The following AKNAD1 variants were observed in gnomAD, a reference collection of about 807,000 sequenced individuals.
AKNAD1 encodes AKNA domain containing 1, also known as protein AKNAD1.
A neutral mutation model predicts 90.8 loss-of-function variants in AKNAD1; 67 were observed. The ratio of observed to expected loss-of-function variants is 0.74; its 90% confidence interval spans 0.61 to 0.90. The LOEUF (loss-of-function observed/expected upper bound fraction) is 0.90, where lower values mean the gene tolerates loss of function less well. Among genes scored for constraint, AKNAD1 ranks in the 40% least tolerant of loss-of-function variants. AKNAD1 has a pLI of 0.00. For missense variants in AKNAD1, 957 were observed against 975.4 expected (o/e 0.98, Z 0.25); for synonymous variants, 327 against 341.4 (o/e 0.96, Z 0.46).
rs1024755652 is a variant in AKNAD1, at chr1:108,828,233, G to A, written c.1839-931C>T. Among the ~76,000 whole-genome samples, 20 of 151,704 alleles carry A rather than the reference G, an allele frequency of 1.3e-4. 2 individuals are homozygous for A. Among genetic ancestry groups the A allele is most frequent in the Non-Finnish European group, 2.9e-5 (2 of 67,990 alleles). ...AACTCCAGCAAAGTGGGCTTTGCCG[G>A]GTGTCTGTGGGACTAAAGGCTGAGG... On this transcript the variant is annotated intron_variant, in intron 10 of 15. Transcript: ENST00000370001.
In AKNAD1 at chr1:108,852,721, G is replaced by T. The variant is rs769521069; in HGVS notation, c.-57C>A. 6.7e-7 allele frequency: 1 copy of T among 1,494,480 alleles called. No individual in the cohort carries two copies. Among genetic ancestry groups the T allele is most frequent in the Non-Finnish European group, 8.9e-7 (1 of 1,120,238 alleles). The allele number at this position is 1,494,480 out of a possible 1,614,324, so 92.6% of individuals were successfully genotyped here. A position where few individuals can be genotyped will look rare whatever the true frequency, so the allele number is the denominator to read the frequency against. ...CCTCCTGAGCTGGCTGCTGTCAGTT[G>T]TAACAATAGCTCTGGTTCTCACTGA... On this transcript the variant is annotated 5_prime_UTR_variant, in exon 2 of 16. Coordinates refer to ENST00000370001, the MANE Select transcript of AKNAD1 (RefSeq NM_152763.5).
chr1:108,825,733 C>T (rs1449520003), intron 11 of AKNAD1, among the ~76,000 whole-genome samples: 1 of 145,308 alleles, frequency 6.9e-6, no homozygotes, highest in Non-Finnish European at 1.5e-5. Flanking sequence ...TTTCCCAAAA[C>T]TAAATGAGCA....
chr1:108,843,773 G>A (rs1337652751), intron 5 of AKNAD1, among the ~76,000 whole-genome samples: 1 of 152,164 alleles, frequency 6.6e-6, no homozygotes, highest in Non-Finnish European at 1.5e-5. Flanking sequence ...CAGTCTGTGG[G>A]GAGTTGGAGG....
intron 14 of AKNAD1, among the ~76,000 whole-genome samples, chr1:108,817,635 G>A (rs1663660472): frequency 6.6e-6 from 1 of 150,412 alleles, no homozygotes; most frequent in Non-Finnish European, 1.5e-5. Flanking sequence ...CCGAGTAGCT[G>A]GGACTACAGG....
chr1:108,843,252 G>C lies in AKNAD1; in HGVS notation c.1261C>G (p.Gln421Glu). The stretch of plus-strand genomic sequence containing the variant: ...TGCTCCAGCAGTTCAAGGTGTCCCT[G>C]CAGTTTCTCCAGGACCTGCAGCGGT... ...QDKKLVLEKL[Q>E]GHLELLEQNF... The change falls in exon 6 of 16, where the codon CAG becomes GAG. Residue 421 changes from glutamine to glutamate, a missense_variant. By Grantham distance (29) the Gln-to-Glu change is conservative. Transcript: ENST00000370001. The C allele has an allele frequency of 6.2e-7, 1 of 1,613,896 alleles. No homozygotes were observed. Among genetic ancestry groups the C allele is most frequent in the South Asian group, 1.1e-5 (1 of 91,048 alleles).
chr1:108,852,287 T>C lies in AKNAD1; in HGVS notation c.378A>G (p.Gln126=), dbSNP rs1664891361. Residue 126 remains glutamine (Q), a synonymous_variant, in exon 2 of 16, where the codon CAA becomes CAG. Coordinates refer to ENST00000370001, the MANE Select transcript of AKNAD1 (RefSeq NM_152763.5). The stretch of plus-strand genomic sequence containing the variant: ...CTGGGAGGGTTTCACAATCAATGCC[T>C]TGACCTCTTAAGAATGGCTCTTTGG... The part of the protein sequence containing the change: ...HLSKEPFLRG[Q]GIDCETLPEI... 6.2e-7 allele frequency: 1 copy of C among 1,614,076 alleles called. No individual in the cohort carries two copies. Among genetic ancestry groups the C allele is most frequent in the African/African-American group, 1.3e-5 (1 of 74,932 alleles).
intron 6 of AKNAD1, among the ~76,000 whole-genome samples, chr1:108,842,841 A>C (rs12075148): frequency 0.14 from 20,797 of 152,156 alleles, 1,572 homozygotes; most frequent in African/African-American, 0.19. Context: ...TCTCCAAACC[A>C]ATTATAATGA....
chr1:108,828,488 T>C (rs1664083925), intron 10 of AKNAD1, among the ~76,000 whole-genome samples: 1 of 151,728 alleles, frequency 6.6e-6, no homozygotes. Context: ...TGTTCATTCT[T>C]AGTATGGAAG....
intron 1 of AKNAD1, among the ~76,000 whole-genome samples, chr1:108,856,427 C>T (rs1414713836): frequency 1.3e-5 from 2 of 152,002 alleles, no homozygotes; most frequent in South Asian, 2.1e-4. Flanking sequence ...AGTCCAGGCA[C>T]AGTGGCTCAT....
intron 10 of AKNAD1, among the ~76,000 whole-genome samples, chr1:108,828,922 A>G (rs572407619): frequency 1.1e-4 from 16 of 152,002 alleles, no homozygotes; most frequent in Admixed American, 4.0e-4. Flanking sequence ...CAAAGCAGCT[A>G]AAGTACACAC....
At chr1:108,827,671 G>A (rs1490868461) in intron 10 of AKNAD1, among the ~76,000 whole-genome samples, 3 of 150,846 alleles carry the variant, frequency 2.0e-5, no homozygotes, top group African/African-American at 4.9e-5. Context: ...AAAATTAGCT[G>A]GGCGCCGTAG....
chr1:108,816,066 G>T lies in AKNAD1; in HGVS notation c.*105C>A. ...TCTTATGGTTTCTGTGTTTTCTCTA[G>T]AAAGTCATCTTCCTAAATTGTGTAG... On this transcript the variant is annotated 3_prime_UTR_variant, in exon 16 of 16. Transcript: ENST00000370001. 1 of 1,232,356 alleles carries T rather than the reference G, an allele frequency of 8.1e-7. No individual in the cohort carries two copies. Among genetic ancestry groups the T allele is most frequent in the Non-Finnish European group, 1.1e-6 (1 of 932,580 alleles). The allele number at this position is 1,232,356 out of a possible 1,614,324, so 76.3% of individuals were successfully genotyped here.
chr1:108,835,207 G>A, intron 7 of AKNAD1, 151 bp from the exon 8 acceptor site: 1 of 817,536 alleles, frequency 1.2e-6, no homozygotes, highest in Non-Finnish European at 1.8e-6. Flanking sequence ...TCTTTACCTA[G>A]CTGTCTTCTC....
Position 108,852,575 on chromosome 1 carries a change from A to C in AKNAD1, c.90T>G (p.Asn30Lys), listed in dbSNP as rs1488177327. The C allele has an allele frequency of 6.2e-7, 1 of 1,613,740 alleles. No individual in the cohort carries two copies. Among genetic ancestry groups the C allele is most frequent in the African/African-American group, 1.3e-5 (1 of 75,042 alleles). Reference sequence around the variant, plus strand: ...CCTTTTTTGAGGTAAAACTGTAATCATTGCCTATCTTAATCTGAGAGAGGT... The same window carrying C: ...CCTTTTTTGAGGTAAAACTGTAATCCTTGCCTATCTTAATCTGAGAGAGGT... ...DGDLSQIKIG[N>K]DYSFTSKKDG... Residue 30 changes from asparagine to lysine, a missense_variant, in exon 2 of 16, where the codon AAT becomes AAG. Physicochemically the swap from Asn to Lys is moderately conservative, Grantham distance 94. Transcript: ENST00000370001.
At chr1:108,829,251 TGTGC>T (rs1664107018) in intron 10 of AKNAD1, among the ~76,000 whole-genome samples, 1 of 151,626 alleles carries the variant, frequency 6.6e-6, no homozygotes, top group South Asian at 2.1e-4. Flanking sequence ...TACACTTGGT[TGTGC>T]TTGTCTTTCC....
intron 3 of AKNAD1, 116 bp downstream of exon 3, chr1:108,849,421 A>G (rs1237517447): frequency 9.9e-6 from 7 of 703,898 alleles, no homozygotes; most frequent in Non-Finnish European, 1.0e-5. Context: ...CAAGGCTGCA[A>G]TGAACCAAGA....
chr1:108,827,188 C>T lies in AKNAD1; in HGVS notation c.1936+17G>A. 1 of 1,597,484 alleles carries T rather than the reference C, an allele frequency of 6.3e-7. No individual in the cohort carries two copies. The highest frequency in any genetic ancestry group is 8.6e-7 in the Non-Finnish European group (1 of 1,167,638). On this transcript the variant is annotated intron_variant, in intron 11 of 15. Coordinates refer to ENST00000370001, the MANE Select transcript of AKNAD1 (RefSeq NM_152763.5). The stretch of plus-strand genomic sequence containing the variant: ...GACACTGAAAAATGAGCACCCAGCC[C>T]AAGCCCATCAACTTACTGGGAGTTG...
intron 7 of AKNAD1, among the ~76,000 whole-genome samples, chr1:108,836,119 C>T (rs1354556504): frequency 1.3e-5 from 2 of 152,186 alleles, no homozygotes; most frequent in African/African-American, 4.8e-5. Flanking sequence ...AGAGAGTTCT[C>T]ATCATTTCAC....
chr1:108,853,982 C>T (rs1395716651), intron 1 of AKNAD1, among the ~76,000 whole-genome samples: 2 of 151,948 alleles, frequency 1.3e-5, no homozygotes, highest in Admixed American at 1.3e-4. Context: ...AATAGGCTTT[C>T]AAACACCTGG....
Sources: allele counts gnomAD v4.1 joint callset (sites outside exome capture counted in the v4.1 genomes callset), GRCh38; gene constraint gnomAD v4.1.1; transcripts MANE v1.5; gene names NCBI Gene and HGNC (gene_info 2026-07-23, HGNC 2026-07-21).